Variants in ADAMTSL1 observed in about 807,000 individuals in gnomAD.
ADAMTSL1 encodes ADAMTS like 1.
A neutral mutation model predicts 201.8 loss-of-function variants in ADAMTSL1; 126 were observed. That is an observed-to-expected ratio of 0.62 (90% CI 0.54 to 0.72). The LOEUF (loss-of-function observed/expected upper bound fraction) is 0.72. Among genes scored for constraint, ADAMTSL1 ranks in the 30% least tolerant of loss-of-function variants. The pLI, the probability that ADAMTSL1 is intolerant of heterozygous loss-of-function variation, is 0.00. For synonymous variants in ADAMTSL1, 1,121 were observed against 903.4 expected, an observed-to-expected ratio of 1.24 and a Z score of -4.32; for missense variants, 2,679 against 2,277.8, an observed-to-expected ratio of 1.18 and a Z score of -3.59.
chr9:18,886,365 G>T (rs117250217), intron 23 of ADAMTSL1, among the ~76,000 whole-genome samples: 1,862 of 151,492 alleles, frequency 0.012, 12 homozygotes, highest in Non-Finnish European at 0.019. Flanking sequence ...CAGCTTGGGT[G>T]ACCGAGCGAG....
intron 23 of ADAMTSL1, among the ~76,000 whole-genome samples, chr9:18,877,986 A>C (rs943142933): frequency 6.6e-6 from 1 of 151,882 alleles, no homozygotes; most frequent in Non-Finnish European, 1.5e-5. Context: ...TCTCAGGCCA[A>C]CAAAGTTATA....
intron 2 of ADAMTSL1, among the ~76,000 whole-genome samples, chr9:18,258,337 G>A (rs886303198): frequency 6.6e-6 from 1 of 152,136 alleles, no homozygotes; most frequent in African/African-American, 2.4e-5. Context: ...GGTAAACGAG[G>A]AATTATCTGA....
chr9:18,246,903 C>A (rs942374122), intron 2 of ADAMTSL1, among the ~76,000 whole-genome samples: 1 of 152,116 alleles, frequency 6.6e-6, no homozygotes, highest in African/African-American at 2.4e-5. Flanking sequence ...GATTTTCTGA[C>A]TGATAAATGC....
At chr9:18,216,048 C>A (rs10810928) in intron 2 of ADAMTSL1, among the ~76,000 whole-genome samples, 26,116 of 152,160 alleles carry the variant, frequency 0.17, 2,368 homozygotes, top group East Asian at 0.24. Flanking sequence ...CTCCTGGAAA[C>A]ATTTCCAAAT....
chr9:18,074,511 C>CTTTTCTTCTT (rs368569922), intron 1 of ADAMTSL1, among the ~76,000 whole-genome samples: 3 of 93,582 alleles, frequency 3.2e-5, no homozygotes, highest in South Asian at 3.5e-4. Context: ...CTTTTCTTTT[C>CTTTTCTTCTT]TTCTTTTCTT....
chr9:18,534,558 G>A (rs754372066), intron 3 of ADAMTSL1, among the ~76,000 whole-genome samples: 1 of 152,222 alleles, frequency 6.6e-6, no homozygotes, highest in East Asian at 1.9e-4. Context: ...CGATCCCTCT[G>A]TTGAAGAAGC....
At chr9:18,453,168 C>T (rs2131678833) in intron 2 of ADAMTSL1, among the ~76,000 whole-genome samples, 1 of 152,272 alleles carries the variant, frequency 6.6e-6, no homozygotes, top group East Asian at 1.9e-4. Context: ...CCTTCCAGAG[C>T]AGTAGGATGA....
intron 3 of ADAMTSL1, among the ~76,000 whole-genome samples, chr9:18,569,137 T>G (rs1210323220): frequency 6.6e-6 from 1 of 152,192 alleles, no homozygotes; most frequent in Non-Finnish European, 1.5e-5. Context: ...TGTCTCACAG[T>G]GTAATCTGAT....
chr9:18,567,281 A>G (rs1821968982), intron 3 of ADAMTSL1, among the ~76,000 whole-genome samples: 2 of 152,102 alleles, frequency 1.3e-5, no homozygotes, highest in East Asian at 3.9e-4. Context: ...TCTGGCCAAC[A>G]TGGTAAAACC....
chr9:18,416,800 G>C (rs1818696146), intron 2 of ADAMTSL1, among the ~76,000 whole-genome samples: 1 of 151,894 alleles, frequency 6.6e-6, no homozygotes, highest in Non-Finnish European at 1.5e-5. Flanking sequence ...TAAAACCCCA[G>C]GAGAAATAAA....
chr9:18,796,297 G>T (rs1405330291), intron 20 of ADAMTSL1, among the ~76,000 whole-genome samples: 1 of 152,142 alleles, frequency 6.6e-6, no homozygotes, highest in South Asian at 2.1e-4. Context: ...CTAGTGGCGG[G>T]GGAAGAAGGG....
Position 17,924,331 on chromosome 9 carries a change from A to G in ADAMTSL1, c.87+17409A>G, listed in dbSNP as rs572445749. Among the ~76,000 whole-genome samples, 721 of 152,170 alleles carry G rather than the reference A, an allele frequency of 4.7e-3. 7 individuals are homozygous for G. The highest frequency in any genetic ancestry group is 0.016 in the African/African-American group (678 of 41,506). On this transcript the variant is annotated intron_variant, in intron 1 of 29. Coordinates refer to the ADAMTSL1 transcript ENST00000680146. ...CGTTATTGGTCTATTCAGAGATTCA[A>G]CTTCTTCCTGGTTTAGTCTTGGGAG...
chr9:18,163,623 T>C (rs10963480), intron 1 of ADAMTSL1, among the ~76,000 whole-genome samples: 35,076 of 151,856 alleles, frequency 0.23, 4,492 homozygotes, highest in South Asian at 0.31. Context: ...GATTTTGAGA[T>C]TGTACACCCG....
At chr9:18,800,196 G>A (rs1822695922) in intron 20 of ADAMTSL1, among the ~76,000 whole-genome samples, 1 of 151,938 alleles carries the variant, frequency 6.6e-6, no homozygotes, top group African/African-American at 2.4e-5. Flanking sequence ...GGCCAACATG[G>A]CAAAACCCCA....
intron 2 of ADAMTSL1, among the ~76,000 whole-genome samples, chr9:18,188,037 C>A (rs1279818491): frequency 1.3e-5 from 2 of 151,966 alleles, no homozygotes; most frequent in Non-Finnish European, 2.9e-5. Context: ...ATTCATTCAT[C>A]CTTAGAGCTA....
intron 19 of ADAMTSL1, 124 bp downstream of exon 19, chr9:18,778,030 C>A (rs1243824145): frequency 2.4e-6 from 3 of 1,271,838 alleles, no homozygotes; most frequent in Non-Finnish European, 3.2e-6. Context: ...CCTCGGGGAC[C>A]CCATCATGGG....
intron 2 of ADAMTSL1, among the ~76,000 whole-genome samples, chr9:18,260,918 C>T (rs907397973): frequency 2.6e-5 from 4 of 151,786 alleles, no homozygotes; most frequent in Admixed American, 6.6e-5. Context: ...TCCTTTCTCT[C>T]GGCTCTGGCT....
intron 2 of ADAMTSL1, among the ~76,000 whole-genome samples, chr9:18,265,605 A>G (rs1449134512): frequency 1.3e-5 from 2 of 152,216 alleles, no homozygotes; most frequent in Non-Finnish European, 2.9e-5. Context: ...TGAGCACAAA[A>G]TGTTCATTTA....
intron 2 of ADAMTSL1, among the ~76,000 whole-genome samples, chr9:18,393,019 G>C (rs1227353337): frequency 1.3e-5 from 2 of 152,170 alleles, no homozygotes; most frequent in East Asian, 1.9e-4. Context: ...GAATAATGCT[G>C]TGTGTAAGGG....
Sources: allele counts gnomAD v4.1 joint callset (sites outside exome capture counted in the v4.1 genomes callset), GRCh38; gene constraint gnomAD v4.1.1; transcripts MANE v1.5; gene names NCBI Gene and HGNC (gene_info 2026-07-23, HGNC 2026-07-21).